POU2F2: variants seen among roughly 807,000 people sequenced by gnomAD.
The protein encoded by POU2F2 is POU class 2 homeobox 2.
In POU2F2, 14 loss-of-function variants were observed where a neutral mutation model predicts 63.5. The observed-to-expected ratio is 0.22, with a 90% CI of 0.15 to 0.34. The LOEUF is 0.34. Ranked by LOEUF, POU2F2 falls within the 10% of genes least tolerant of loss-of-function variation. The pLI, the probability that POU2F2 is intolerant of heterozygous loss-of-function variation, is 1.00. For missense variants in POU2F2, 607 were observed against 815.2 expected, an observed-to-expected ratio of 0.74 and a Z score of 3.11; for synonymous variants, 306 against 348.6, an observed-to-expected ratio of 0.88 and a Z score of 1.36.
chr19:42,093,713 C>G, intron 12 of POU2F2, 116 bp downstream of exon 12: 2 of 1,050,582 alleles, frequency 1.9e-6, no homozygotes, highest in Non-Finnish European at 2.8e-6. Context: ...CCCCCACCCA[C>G]ACTCCCCAGG....
In POU2F2 at chr19:42,105,999, T is replaced by TTTC. The variant is rs1555897058; in HGVS notation, c.370-6179_370-6178insGAA. On this transcript the variant is annotated intron_variant, in intron 5 of 14. Coordinates refer to ENST00000692977, the MANE Select transcript of POU2F2 (RefSeq NM_001394376.1). The stretch of plus-strand genomic sequence containing the variant: ...ACATATGATATATAGGATCTTTCTT[T>TTTC]TTTCTTTCTTTCTTTCTTTCTTTCT... Among the ~76,000 whole-genome samples, 31 of 132,324 alleles carry TTTC rather than the reference T, an allele frequency of 2.3e-4. No homozygotes were observed. The Middle Eastern group carries it at 0.011, about 47-fold the overall frequency. 86.8% of individuals were successfully genotyped at this position (132,324 alleles called of 152,430 possible).
intron 5 of POU2F2, among the ~76,000 whole-genome samples, chr19:42,109,505 G>A (rs578097286): frequency 1.3e-5 from 2 of 152,308 alleles, no homozygotes; most frequent in African/African-American, 2.4e-5. Flanking sequence ...AAGGGAGGAT[G>A]GATGGGGAAA....
At chr19:42,113,067 A>T (rs2031348894) in intron 5 of POU2F2, among the ~76,000 whole-genome samples, 1 of 152,018 alleles carries the variant, frequency 6.6e-6, no homozygotes, top group South Asian at 2.1e-4. Flanking sequence ...TTCTCTTCCC[A>T]CATTCCCATC....
At chr19:42,157,746 C>G (rs576256733) in intron 2 of POU2F2, among the ~76,000 whole-genome samples, 2 of 152,102 alleles carry the variant, frequency 1.3e-5, no homozygotes, top group Non-Finnish European at 2.9e-5. Flanking sequence ...TCAAGAAAGG[C>G]CCTCAGAGTT....
chr19:42,170,746 C>T (rs1015111449), intron 1 of POU2F2, among the ~76,000 whole-genome samples: 6 of 152,252 alleles, frequency 3.9e-5, no homozygotes, highest in African/African-American at 1.2e-4. Context: ...AAGACACACA[C>T]GGCAGGCAGG....
upstream of POU2F2, among the ~76,000 whole-genome samples, chr19:42,134,215 TG>T (rs553158517): frequency 4.6e-3 from 497 of 107,650 alleles, 3 homozygotes; most frequent in South Asian, 0.018. Flanking sequence ...TAGGACATTA[TG>T]GGGGGGGGCA....
At position 42,162,376 on chromosome 19, in the gene POU2F2, C is replaced by G. The variant is rs1162740839; in HGVS notation, c.-69-1984G>C. Among the ~76,000 whole-genome samples the G allele has an allele frequency of 6.6e-6, 1 of 152,086 alleles. No homozygotes were observed. The highest frequency in any genetic ancestry group is 1.5e-5 in the Non-Finnish European group (1 of 68,022). On this transcript the variant is annotated intron_variant, in intron 1 of 6. Transcript: ENST00000524801. The surrounding 1 kb of genome is among the most constrained non-coding windows in gnomAD (Gnocchi z 4.1). Reference sequence around the variant, plus strand: ...AGAGACAGTCCATGGGATCTAGGAGCTGTATTCCCAGCAGTGCCTTAAGAC... The same window carrying G: ...AGAGACAGTCCATGGGATCTAGGAGGTGTATTCCCAGCAGTGCCTTAAGAC...
At chr19:42,125,388 T>C (rs1182583867) in intron 1 of POU2F2, among the ~76,000 whole-genome samples, 1 of 79,222 alleles carries the variant, frequency 1.3e-5, no homozygotes, top group Non-Finnish European at 2.4e-5. Flanking sequence ...ATGTAGACTG[T>C]TGAGGGTGGG....
chr19:42,147,879 G>A (rs2034263242), intron 2 of POU2F2, among the ~76,000 whole-genome samples: 1 of 152,144 alleles, frequency 6.6e-6, no homozygotes, highest in East Asian at 1.9e-4. Flanking sequence ...GTGACATTGT[G>A]TTTTGTATTT....
intron 2 of POU2F2, among the ~76,000 whole-genome samples, chr19:42,154,160 T>G (rs1304642623): frequency 9.2e-5 from 10 of 108,848 alleles, no homozygotes; most frequent in Admixed American, 5.1e-4. Flanking sequence ...ACTCCAGAGG[T>G]AGGATGTGAG....
intron 1 of POU2F2, 73 bp downstream of exon 1, chr19:42,132,311 G>T: frequency 6.5e-7 from 1 of 1,533,354 alleles, no homozygotes; most frequent in Non-Finnish European, 8.9e-7. Flanking sequence ...AGGAGGGGCA[G>T]GCAGGGCCCG....
chr19:42,167,485 T>C (rs965696455), intron 1 of POU2F2, among the ~76,000 whole-genome samples: 37 of 150,794 alleles, frequency 2.5e-4, no homozygotes, highest in African/African-American at 9.0e-4. Flanking sequence ...AAAGCTGCTA[T>C]TTTAAACATA....
intron 1 of POU2F2, among the ~76,000 whole-genome samples, chr19:42,184,147 C>T (rs982351815): frequency 7.2e-5 from 11 of 152,074 alleles, no homozygotes; most frequent in African/African-American, 2.7e-4. Flanking sequence ...TGCACCACCA[C>T]AACCTGCTAA....
chr19:42,107,360 AAATT>A (rs1171416910), intron 5 of POU2F2, among the ~76,000 whole-genome samples: 20 of 152,210 alleles, frequency 1.3e-4, no homozygotes, highest in Non-Finnish European at 2.4e-4. Context: ...GTCTCAAAAA[AAATT>A]AATTAATTAA....
rs370363016 is a variant in POU2F2, at chr19:42,189,983, T to C, written c.-70+6400A>G. Among the ~76,000 whole-genome samples the C allele has an allele frequency of 5.3e-5, 8 of 152,324 alleles. No individual in the cohort carries two copies. The East Asian group carries it at 5.8e-4, about 11-fold the overall frequency. ...TTCAAGCAATCCTCCCGCCTCAGCC[T>C]CCCAAAGTGCTGGGATTACAGGCGT... On this transcript the variant is annotated intron_variant, in intron 1 of 5. Transcript: ENST00000532176.
In POU2F2 at chr19:42,095,460, G is replaced by A. The variant is rs1178606463; in HGVS notation, c.1023C>T (p.Asn341=). The change falls in exon 11 of 15, where the codon AAC becomes AAT. Residue 341 remains asparagine (N), a splice_region_variant and synonymous_variant. Transcript: ENST00000692977. The surrounding 1 kb of genome is among the most constrained non-coding windows in gnomAD (Gnocchi z 7.1). ...GGATCTCCTCTGAGGTAGGCTTCTG[G>A]TTCTGCAGGCAGAGGGCTCGTTAGC... is the stretch of plus-strand genomic sequence containing the variant. ...RFALEKSFLA[N]QKPTSEEILL... 6.2e-7 allele frequency: 1 copy of A among 1,612,394 alleles called. No homozygotes were observed. The highest frequency in any genetic ancestry group is 8.5e-7 in the Non-Finnish European group (1 of 1,179,716).
chr19:42,173,356 G>A (rs936832719), intron 1 of POU2F2, among the ~76,000 whole-genome samples: 5 of 151,972 alleles, frequency 3.3e-5, no homozygotes, highest in East Asian at 1.9e-4. Flanking sequence ...TGCTCCCCTC[G>A]TTGCAAGTCA....
rs765040638 is a variant in POU2F2 at position 42,095,795 on chromosome 19, G to A, written c.864C>T (p.Asn288=). The change falls in exon 9 of 15, where the codon AAC becomes AAT. Residue 288 remains asparagine, a synonymous_variant. Coordinates refer to ENST00000692977, the MANE Select transcript of POU2F2 (RefSeq NM_001394376.1). This position sits in a 1 kb window ranked among gnomAD's most constrained non-coding sequence, Gnocchi z 7.1. ...KLKPLLEKWL[N]DAETMSVDSS... is the part of the protein sequence containing the mutation. Reference sequence around the variant, plus strand: ...ACCCCAGCCTGGTCCCACCTGCATCGTTGAGCCACTTCTCCAGGAGGGGCT... The same window carrying A: ...ACCCCAGCCTGGTCCCACCTGCATCATTGAGCCACTTCTCCAGGAGGGGCT... The A allele has an allele frequency of 1.9e-6, 3 of 1,613,974 alleles. No individual in the cohort carries two copies. Among genetic ancestry groups the A allele is most frequent in the East Asian group, 2.2e-5 (1 of 44,858 alleles).
intron 1 of POU2F2, among the ~76,000 whole-genome samples, chr19:42,175,003 A>C (rs2034845452): frequency 6.6e-6 from 1 of 152,112 alleles, no homozygotes; most frequent in South Asian, 2.1e-4. Flanking sequence ...TGGACTCAAA[A>C]GCTCTAAGGA....
Sources: allele counts gnomAD v4.1 joint callset (sites outside exome capture counted in the v4.1 genomes callset), GRCh38; gene constraint gnomAD v4.1.1; non-coding constraint Gnocchi (gnomAD v3.1); transcripts MANE v1.5; gene names NCBI Gene and HGNC (gene_info 2026-07-23, HGNC 2026-07-21).